The following CALM2 variants were observed in gnomAD, a reference collection of about 807,000 sequenced individuals.
CALM2 encodes calmodulin 2, also known as calmodulin-2.
Under a neutral mutation model 19.8 loss-of-function variants are expected in CALM2, and 2 were observed. That is an observed-to-expected ratio of 0.10 (90% CI 0.04 to 0.32). CALM2 has a LOEUF of 0.32. Ranked by LOEUF, CALM2 falls within the 10% of genes least tolerant of loss-of-function variation. CALM2 has a pLI of 1.00. For synonymous variants in CALM2, 51 were observed against 52.1 expected (o/e 0.98, Z 0.09); for missense variants, 38 against 178.7 (o/e 0.21, Z 4.49).
chr2:47,173,854 G>T (rs561010173), intron 1 of CALM2: 1 of 152,118 alleles, frequency 6.6e-6, no homozygotes, highest in Non-Finnish European at 1.5e-5. Context: ...TTTCATTAGG[G>T]TAAAAAGACA....
At chr2:47,163,381 A>AATAT (rs1416204217) in intron 2 of CALM2, 1 of 152,012 alleles carries the variant, frequency 6.6e-6, no homozygotes, top group Non-Finnish European at 1.5e-5. Context: ...AACCTTATAT[A>AATAT]GTGAAACTGA....
At chr2:47,175,470 C>T (rs930130205) in intron 1 of CALM2, among the ~76,000 whole-genome samples, 2 of 152,180 alleles carry the variant, frequency 1.3e-5, no homozygotes, top group Admixed American at 1.3e-4. Flanking sequence ...CTTGTAGAAC[C>T]CTAGCTGGAG....
chr2:47,175,441 G>A (rs990494603), intron 1 of CALM2, among the ~76,000 whole-genome samples: 2 of 152,156 alleles, frequency 1.3e-5, no homozygotes, highest in African/African-American at 4.8e-5. Flanking sequence ...GCTTCCCTCC[G>A]GCGGTGAACA....
chr2:47,162,171 CAAAAAAAAAAAAAAAAA>C (rs56839340), intron 4 of CALM2, 98 bp downstream of exon 4: 82 of 130,086 alleles, frequency 6.3e-4, no homozygotes, highest in Non-Finnish European at 8.6e-4. Flanking sequence ...GGTAAATCAT[CAAAAAAAAAAAAAAAAA>C]AAAAAAAAAA....
upstream of CALM2, chr2:47,176,803 GT>G: frequency 1.0e-6 from 1 of 985,436 alleles, no homozygotes; most frequent in Non-Finnish European, 1.2e-6. Flanking sequence ...GCGGCGATGC[GT>G]CCCCCGTTGG....
intron 5 of CALM2, 115 bp from the exon 6 acceptor site, chr2:47,160,919 C>T (rs1233724521): frequency 3.3e-6 from 2 of 612,590 alleles, no homozygotes; most frequent in African/African-American, 3.9e-5. Context: ...TCCTCTCTTT[C>T]CTCAGAATTA....
chr2:47,162,848 A>G, intron 2 of CALM2, 186 bp from the exon 3 acceptor site: 1 of 508,576 alleles, frequency 2.0e-6, no homozygotes. Flanking sequence ...TTAACGGAAA[A>G]ATACCAATGG....
At chr2:47,174,201 G>A (rs956531470) in intron 1 of CALM2, 1 of 152,160 alleles carries the variant, frequency 6.6e-6, no homozygotes, top group Non-Finnish European at 1.5e-5. Context: ...AGTTACATGA[G>A]CAATCTTACT....
chr2:47,161,428 T>C (rs1462654536), intron 5 of CALM2, among the ~76,000 whole-genome samples: 3 of 152,198 alleles, frequency 2.0e-5, no homozygotes, highest in Non-Finnish European at 2.9e-5. Flanking sequence ...ACACAAACAC[T>C]GAACAGTGCT....
chr2:47,164,687 CAAGT>C (rs1260476041), intron 2 of CALM2, among the ~76,000 whole-genome samples: 1 of 152,022 alleles, frequency 6.6e-6, no homozygotes, highest in Non-Finnish European at 1.5e-5. Context: ...TAGTATTTTC[CAAGT>C]AAGTCATTTC....
At chr2:47,172,611 T>A in intron 1 of CALM2, 2 of 408,966 alleles carry the variant, frequency 4.9e-6, no homozygotes, top group South Asian at 2.7e-5. Context: ...TATTCAATGT[T>A]AACTTTGTTT....
chr2:47,163,663 C>G (rs1326435535), intron 2 of CALM2: 1 of 152,268 alleles, frequency 6.6e-6, no homozygotes, highest in African/African-American at 2.4e-5. Flanking sequence ...AACTCCCAAC[C>G]TCAGGTGATC....
At chr2:47,169,904 C>G (rs1270241357) in intron 2 of CALM2, among the ~76,000 whole-genome samples, 1 of 147,758 alleles carries the variant, frequency 6.8e-6, no homozygotes, top group Non-Finnish European at 1.5e-5. Flanking sequence ...GGTGCTCATG[C>G]TAATAAAAGT....
At chr2:47,175,097 T>TTTCC (rs751897252) in intron 1 of CALM2, among the ~76,000 whole-genome samples, 5 of 126,654 alleles carry the variant, frequency 3.9e-5, no homozygotes, top group Admixed American at 1.6e-4. Flanking sequence ...TTTTTTTTTT[T>TTTCC]TCAGGAAAGA....
Position 47,166,147 on chromosome 2 carries a change from T to TACAAATAGC in CALM2, c.35-3494_35-3486dup, listed in dbSNP as rs576278713. Among the ~76,000 whole-genome samples the TACAAATAGC allele has an allele frequency of 9.2e-5, 14 of 152,336 alleles. No individual in the cohort carries two copies. The South Asian group carries it at 2.5e-3, about 27-fold the overall frequency. Reference sequence around the variant, plus strand: ...AAAAATAGATCAGGGAGTCTCCACCTACAAATAGCACAATTGATAAAGACA... The same window carrying TACAAATAGC: ...AAAAATAGATCAGGGAGTCTCCACCTACAAATAGCACAAATAGCACAATTGATAAAGACA... On this transcript the variant is annotated intron_variant, in intron 2 of 5. Coordinates refer to ENST00000272298, the MANE Select transcript of CALM2 (RefSeq NM_001743.6).
intron 2 of CALM2, among the ~76,000 whole-genome samples, chr2:47,168,228 T>G (rs1308420845): frequency 6.6e-6 from 1 of 152,138 alleles, no homozygotes; most frequent in African/African-American, 2.4e-5. Context: ...AAATCTTAAC[T>G]GAAACCTGGA....
At chr2:47,176,539 C>A (rs750650314), upstream of CALM2, 1 of 1,576,064 alleles carries the variant, frequency 6.3e-7, no homozygotes, top group South Asian at 1.2e-5. Context: ...CCCAGCGCCT[C>A]ATAAACACCT....
At chr2:47,175,535 G>A (rs898579022) in intron 1 of CALM2, among the ~76,000 whole-genome samples, 1 of 152,138 alleles carries the variant, frequency 6.6e-6, no homozygotes, top group Admixed American at 6.5e-5. Context: ...CTGACTTCAA[G>A]GGTAAGACTA....
At chr2:47,176,750 G>T (rs527849596), upstream of CALM2, 333 of 1,365,680 alleles carry the variant, frequency 2.4e-4, no homozygotes, top group African/African-American at 3.3e-3. Flanking sequence ...CCGGTGGAGC[G>T]GCCCCTGAGG....
Sources: allele counts gnomAD v4.1 joint callset (sites outside exome capture counted in the v4.1 genomes callset), GRCh38; gene constraint gnomAD v4.1.1; transcripts MANE v1.5; gene names NCBI Gene and HGNC (gene_info 2026-07-23, HGNC 2026-07-21).